MYH15: variants seen among roughly 807,000 people sequenced by gnomAD.
MYH15 encodes myosin-15.
MYH15 carries 227 observed loss-of-function variants against 240.5 expected under a neutral mutation model. The ratio of observed to expected loss-of-function variants is 0.94; its 90% confidence interval spans 0.85 to 1.05. The LOEUF (loss-of-function observed/expected upper bound fraction) is 1.05, where lower values mean the gene tolerates loss of function less well. Ranked by LOEUF, MYH15 falls within the 50% of genes least tolerant of loss-of-function variation. The probability of loss-of-function intolerance (pLI) is 0.00; values close to 1 mark genes in which losing one functional copy is unlikely to be tolerated. For synonymous variants in MYH15, 785 were observed against 796.7 expected (o/e 0.99, Z 0.25); for missense variants, 2,217 against 2,247.5 (o/e 0.99, Z 0.27).
the MYH15 span, among the ~76,000 whole-genome samples, chr3:108,537,250 C>T: frequency 6.6e-6 from 1 of 152,118 alleles, no homozygotes; most frequent in South Asian, 2.1e-4. Context: ...CCTGTACAAC[C>T]AAAACAGCCA....
At chr3:108,405,293 A>T (rs1198913686) in intron 33 of MYH15, 45 bp downstream of exon 33, 1 of 1,185,930 alleles carries the variant, frequency 8.4e-7, no homozygotes, top group Non-Finnish European at 1.2e-6. Flanking sequence ...TTAGTCAAGG[A>T]TTCAGAAATA....
the MYH15 span, among the ~76,000 whole-genome samples, chr3:108,541,256 TATGA>T: frequency 3.4e-4 from 51 of 151,808 alleles, no homozygotes; most frequent in Admixed American, 4.6e-4. Context: ...CTCAAATAAA[TATGA>T]GAGATTGCTC....
At chr3:108,390,540 G>A (rs1280153511) in intron 37 of MYH15, among the ~76,000 whole-genome samples, 1 of 152,066 alleles carries the variant, frequency 6.6e-6, no homozygotes, top group Non-Finnish European at 1.5e-5. Context: ...TCTTATATAT[G>A]TCATTGGATA....
chr3:108,432,052 A>T (rs1166876531), intron 25 of MYH15, among the ~76,000 whole-genome samples: 1 of 140,058 alleles, frequency 7.1e-6, no homozygotes, highest in Admixed American at 7.1e-5. Context: ...TGTTAAATGC[A>T]TTCAGTTTTG....
chr3:108,546,018 C>T, the MYH15 span, among the ~76,000 whole-genome samples: 1 of 152,090 alleles, frequency 6.6e-6, no homozygotes, highest in African/African-American at 2.4e-5. Context: ...TGTTCCATAA[C>T]AACACATACT....
intron 25 of MYH15, among the ~76,000 whole-genome samples, chr3:108,437,267 A>T (rs1206238501): frequency 6.7e-6 from 1 of 148,720 alleles, no homozygotes; most frequent in Non-Finnish European, 1.5e-5. Context: ...TTTTTGACGT[A>T]TAGCTGCAAG....
chr3:108,479,023 G>A (rs1402298686), intron 11 of MYH15, among the ~76,000 whole-genome samples: 1 of 152,050 alleles, frequency 6.6e-6, no homozygotes, highest in Non-Finnish European at 1.5e-5. Context: ...TCTCTGTTTT[G>A]GGGGGAAAGA....
intron 2 of MYH15, among the ~76,000 whole-genome samples, chr3:108,504,501 G>A (rs998018689): frequency 4.6e-5 from 7 of 152,106 alleles, no homozygotes; most frequent in South Asian, 2.1e-4. Context: ...ATGTTAGATC[G>A]TAAATTGCCT....
chr3:108,521,852 C>T (rs2083620838), intron 1 of MYH15, among the ~76,000 whole-genome samples: 1 of 152,114 alleles, frequency 6.6e-6, no homozygotes, highest in Non-Finnish European at 1.5e-5. Flanking sequence ...CCCTACTTGG[C>T]CTTTGGGAGA....
At chr3:108,403,366 C>A (rs879712442) in intron 33 of MYH15, among the ~76,000 whole-genome samples, 4 of 152,190 alleles carry the variant, frequency 2.6e-5, no homozygotes, top group Admixed American at 6.5e-5. Flanking sequence ...TGGGCACCTT[C>A]TGTTTCTGTG....
At position 108,381,486 on chromosome 3, in the gene MYH15, C is replaced by A. The variant is rs2082343045; in HGVS notation, c.*59G>T. On this transcript the variant is annotated 3_prime_UTR_variant, in exon 41 of 41. Coordinates refer to ENST00000693548, the MANE Select transcript of MYH15 (RefSeq NM_014981.3). ...GTTTCCATGCAACCTAAGTTTTTGG[C>A]CATGAAACAGCACCTTCCTTGTACT... 1 of 1,592,572 alleles carries A rather than the reference C, an allele frequency of 6.3e-7. No homozygotes were observed. The highest frequency in any genetic ancestry group is 8.6e-7 in the Non-Finnish European group (1 of 1,160,960).
At chr3:108,500,084 T>A in intron 4 of MYH15, 34 bp downstream of exon 4, 1 of 1,602,100 alleles carries the variant, frequency 6.2e-7, no homozygotes, top group Non-Finnish European at 8.5e-7. Flanking sequence ...AGATCAGATA[T>A]TTTTACTTTT....
chr3:108,450,574 G>GTT (rs2082963530), intron 21 of MYH15, among the ~76,000 whole-genome samples: 1 of 152,120 alleles, frequency 6.6e-6, no homozygotes, highest in African/African-American at 2.4e-5. Context: ...GTTGCTCAAA[G>GTT]GACACAACGT....
chr3:108,427,635 C>CACAG (rs570359637), intron 27 of MYH15, among the ~76,000 whole-genome samples: 152 of 146,730 alleles, frequency 1.0e-3, no homozygotes, highest in Middle Eastern at 3.5e-3. Context: ...CACACACACA[C>CACAG]AGAGAGAGAG....
intron 28 of MYH15, among the ~76,000 whole-genome samples, chr3:108,417,191 G>C (rs2082641355): frequency 6.6e-6 from 1 of 152,080 alleles, no homozygotes; most frequent in Admixed American, 6.6e-5. Flanking sequence ...CATTTATTGA[G>C]AAACTTCTAT....
chr3:108,445,451 GA>G (rs2082919100), intron 21 of MYH15, among the ~76,000 whole-genome samples: 1 of 151,868 alleles, frequency 6.6e-6, no homozygotes, highest in African/African-American at 2.4e-5. Context: ...CAGTACCACT[GA>G]AGTATTTAAG....
intron 31 of MYH15, among the ~76,000 whole-genome samples, chr3:108,410,047 C>T (rs2082576193): frequency 7.9e-6 from 1 of 126,796 alleles, no homozygotes; most frequent in Non-Finnish European, 1.9e-5. Context: ...GGGCTCAAAT[C>T]CCAGATCTGC....
At position 108,505,883 on chromosome 3, in the gene MYH15, A is replaced by G. The variant is rs543011909; in HGVS notation, c.89-54T>C. ...TTATAGCTATAGTACTTACAGAAAT[A>G]CATACTGGACACTTTCATACTGATA... On this transcript the variant is annotated intron_variant, in intron 1 of 40. Transcript: ENST00000693548. 5.3e-5 allele frequency: 61 copies of G among 1,154,846 alleles called. 1 individual carries two copies. The South Asian group carries it at 7.9e-4, about 15-fold the overall frequency. 71.5% of individuals were successfully genotyped at this position (1,154,846 alleles called of 1,614,324 possible).
intron 29 of MYH15, among the ~76,000 whole-genome samples, chr3:108,415,401 A>G (rs2082625380): frequency 6.6e-6 from 1 of 152,236 alleles, no homozygotes; most frequent in Non-Finnish European, 1.5e-5. Context: ...CTTTGGAGTC[A>G]GATGAACTTG....
Sources: allele counts gnomAD v4.1 joint callset (sites outside exome capture counted in the v4.1 genomes callset), GRCh38; gene constraint gnomAD v4.1.1; transcripts MANE v1.5; gene names NCBI Gene and HGNC (gene_info 2026-07-23, HGNC 2026-07-21).